The following BFAR variants were observed in gnomAD, a reference collection of about 807,000 sequenced individuals.
BFAR encodes the protein bifunctional apoptosis regulator, also known as RING finger protein 47.
Under a neutral mutation model 54.4 loss-of-function variants are expected in BFAR, and 52 were observed. The observed-to-expected ratio is 0.96, with a 90% CI of 0.77 to 1.21. BFAR has a LOEUF of 1.21. BFAR is among the 50% of genes most tolerant of loss of function. The probability of loss-of-function intolerance (pLI) is 0.00; values close to 1 mark genes in which losing one functional copy is unlikely to be tolerated. For missense variants in BFAR, 571 were observed against 534.0 expected, an observed-to-expected ratio of 1.07 and a Z score of -0.68; for synonymous variants, 215 against 204.3, an observed-to-expected ratio of 1.05 and a Z score of -0.45.
intron 7 of BFAR, 50 bp from the exon 8 acceptor site, chr16:14,667,585 T>G: frequency 6.5e-7 from 1 of 1,538,328 alleles, no homozygotes; most frequent in Non-Finnish European, 8.9e-7. Flanking sequence ...GACTCCTGGG[T>G]GTGGTCATGA....
intron 5 of BFAR, among the ~76,000 whole-genome samples, chr16:14,659,334 C>G (rs1197680361): frequency 6.6e-6 from 1 of 151,482 alleles, no homozygotes; most frequent in Non-Finnish European, 1.5e-5. Flanking sequence ...CTCCACCTCC[C>G]AGGTTCAAGC....
intron 1 of BFAR, among the ~76,000 whole-genome samples, chr16:14,642,689 C>G (rs1959665187): frequency 6.6e-6 from 1 of 152,140 alleles, no homozygotes. Flanking sequence ...GCTTCACTCA[C>G]TTCTTGGAAT....
chr16:14,662,765 G>A (rs1960326730), intron 6 of BFAR, among the ~76,000 whole-genome samples: 2 of 152,118 alleles, frequency 1.3e-5, no homozygotes. Flanking sequence ...CCATCCTCCT[G>A]TAGCAGGAAG....
intron 4 of BFAR, among the ~76,000 whole-genome samples, chr16:14,654,469 C>G (rs1005723400): frequency 2.0e-5 from 3 of 149,758 alleles, no homozygotes; most frequent in Non-Finnish European, 4.4e-5. Context: ...GGGAAAGTCA[C>G]CTTATTTCTC....
chr16:14,663,844 A>G (rs1960360418), intron 6 of BFAR, among the ~76,000 whole-genome samples: 1 of 152,066 alleles, frequency 6.6e-6, no homozygotes, highest in Non-Finnish European at 1.5e-5. Context: ...GTTAATTTAA[A>G]TTTATTTCAA....
intron 4 of BFAR, 76 bp from the exon 5 acceptor site, chr16:14,654,990 A>G (rs1960081109): frequency 4.4e-6 from 6 of 1,352,154 alleles, no homozygotes; most frequent in Non-Finnish European, 5.9e-6. Context: ...TTATATTAGT[A>G]AGATGGAACT....
Position 14,644,182 on chromosome 16 carries a change from T to C in BFAR, c.-73-92T>C, listed in dbSNP as rs1959713922. 3.3e-5 allele frequency: 24 copies of C among 722,412 alleles called. No individual in the cohort carries two copies. In the South Asian group the frequency reaches 4.5e-4, roughly 14 times the overall value. 44.8% of individuals were successfully genotyped at this position (722,412 alleles called of 1,614,324 possible). ...TGTCTCAAAAAAAAAAAAAAAAAAT[T>C]AGCGCTTCAATAGAATGTCAATACT... On this transcript the variant is annotated intron_variant, in intron 1 of 7. Coordinates refer to ENST00000261658, the MANE Select transcript of BFAR (RefSeq NM_016561.3).
chr16:14,660,798 G>C (rs1050188524), intron 5 of BFAR, among the ~76,000 whole-genome samples: 4 of 151,822 alleles, frequency 2.6e-5, no homozygotes, highest in African/African-American at 9.7e-5. Flanking sequence ...CTACTTGGGA[G>C]GCTGAGGCAG....
intron 2 of BFAR, among the ~76,000 whole-genome samples, 180 bp downstream of exon 2, chr16:14,644,789 G>A (rs996223869): frequency 2.0e-5 from 3 of 151,528 alleles, no homozygotes; most frequent in Non-Finnish European, 4.4e-5. Context: ...TTATAGGTGT[G>A]AGCCACCATG....
chr16:14,654,006 CTTTTTTTTTTTTT>C (rs776274046), intron 4 of BFAR, among the ~76,000 whole-genome samples: 242 of 121,488 alleles, frequency 2.0e-3, no homozygotes, highest in African/African-American at 7.3e-3. Flanking sequence ...CATCTAAGAA[CTTTTTTTTTTTTT>C]TTTTTTTTTT....
chr16:14,663,521 T>C (rs759301370), intron 6 of BFAR, among the ~76,000 whole-genome samples: 31 of 151,854 alleles, frequency 2.0e-4, no homozygotes, highest in South Asian at 8.3e-4. Context: ...TTAGTAGAGA[T>C]GGGGTTTCAC....
intron 5 of BFAR, among the ~76,000 whole-genome samples, chr16:14,658,763 C>T (rs1960198678): frequency 6.6e-6 from 1 of 151,738 alleles, no homozygotes. Flanking sequence ...TTAATGAGGG[C>T]TCCCTTACCC....
intron 6 of BFAR, among the ~76,000 whole-genome samples, chr16:14,662,865 C>T (rs182972361): frequency 3.9e-5 from 6 of 152,076 alleles, no homozygotes; most frequent in African/African-American, 1.2e-4. Flanking sequence ...TCTCAAGAGC[C>T]GAGCTCCCCG....
intron 1 of BFAR, among the ~76,000 whole-genome samples, chr16:14,634,725 A>C (rs892147617): frequency 6.6e-6 from 1 of 152,256 alleles, no homozygotes; most frequent in South Asian, 2.1e-4. Flanking sequence ...ATTATCCTAG[A>C]CGGATCAGTG....
intron 5 of BFAR, among the ~76,000 whole-genome samples, chr16:14,656,444 C>T (rs781677027): frequency 5.9e-5 from 9 of 151,386 alleles, no homozygotes; most frequent in Non-Finnish European, 1.2e-4. Context: ...AAACCATGAT[C>T]GAACCACTGC....
intron 1 of BFAR, among the ~76,000 whole-genome samples, chr16:14,642,150 G>A (rs900104522): frequency 6.6e-6 from 1 of 152,308 alleles, no homozygotes; most frequent in South Asian, 2.1e-4. Flanking sequence ...CATGGCCAGT[G>A]TGGGCGGCGG....
At chr16:14,641,297 G>A (rs977032393) in intron 1 of BFAR, among the ~76,000 whole-genome samples, 1 of 152,196 alleles carries the variant, frequency 6.6e-6, no homozygotes, top group Non-Finnish European at 1.5e-5. Flanking sequence ...ACAGTGAAGA[G>A]AAGAGTAGCT....
intron 4 of BFAR, among the ~76,000 whole-genome samples, chr16:14,652,829 G>A (rs1354068527): frequency 6.6e-6 from 1 of 151,914 alleles, no homozygotes; most frequent in African/African-American, 2.4e-5. Context: ...AGGGTGTTAC[G>A]TATAACATCA....
At chr16:14,648,737 G>A (rs1959878756) in intron 3 of BFAR, 145 bp downstream of exon 3, 3 of 645,326 alleles carry the variant, frequency 4.6e-6, no homozygotes, top group Non-Finnish European at 5.3e-6. Flanking sequence ...AAATCTGCTG[G>A]GTTCTATGAT....
Sources: gnomAD v4.1 joint callset for allele counts (sites outside exome capture counted in the v4.1 genomes callset) on GRCh38, gnomAD v4.1.1 for gene constraint, MANE v1.5 for transcripts, NCBI Gene and HGNC (gene_info 2026-07-23, HGNC 2026-07-21) for gene names.